RNF13: variants seen among roughly 807,000 people sequenced by gnomAD.
The protein encoded by RNF13 is E3 ubiquitin-protein ligase RNF13.
Under a neutral mutation model 37.7 loss-of-function variants are expected in RNF13, and 19 were observed. That is an observed-to-expected ratio of 0.50 (90% CI 0.35 to 0.74). RNF13 has a LOEUF of 0.74. Among genes scored for constraint, RNF13 ranks in the 30% least tolerant of loss-of-function variants. The pLI is 0.01. For synonymous variants in RNF13, 144 were observed against 157.8 expected (o/e 0.91, Z 0.65); for missense variants, 375 against 453.0 (o/e 0.83, Z 1.56).
chr3:149,951,794 T>G (rs1576594931), intron 8 of RNF13, among the ~76,000 whole-genome samples: 1 of 152,286 alleles, frequency 6.6e-6, no homozygotes, highest in Non-Finnish European at 1.5e-5. Context: ...GCAGCCTAAT[T>G]AGGAAAAACT....
chr3:149,946,049 G>A (rs371653220), intron 8 of RNF13, among the ~76,000 whole-genome samples: 2 of 152,296 alleles, frequency 1.3e-5, no homozygotes, highest in East Asian at 1.9e-4. Context: ...CACCAGCAAC[G>A]GAACAAAGCT....
At chr3:149,929,406 G>A (rs967776617) in intron 8 of RNF13, among the ~76,000 whole-genome samples, 4 of 152,150 alleles carry the variant, frequency 2.6e-5, no homozygotes, top group South Asian at 2.1e-4. Context: ...CCCCTGACAC[G>A]TGGGGATTAT....
At chr3:149,957,655 T>C (rs1254229673) in intron 8 of RNF13, among the ~76,000 whole-genome samples, 2 of 152,218 alleles carry the variant, frequency 1.3e-5, no homozygotes, top group Non-Finnish European at 2.9e-5. Context: ...TAAGTATGCC[T>C]ATCGGCTAGT....
rs1718802161 is a variant in RNF13 at position 149,927,953 on chromosome 3, C to T, written c.700+6726C>T. Among the ~76,000 whole-genome samples the T allele has an allele frequency of 2.0e-5, 3 of 148,632 alleles. No individual in the cohort carries two copies. In the South Asian group the frequency reaches 6.4e-4, roughly 32 times the overall value. ...AGAAGTTTCAAATTTTGATGTAGTC[C>T]AATTTACCTTTTTTCTTTTTTTGCT... On this transcript the variant is annotated intron_variant, in intron 8 of 9. Transcript: ENST00000392894.
chr3:149,815,975 C>T lies in RNF13; in HGVS notation c.-17+2622C>T, dbSNP rs1719406364. Among the ~76,000 whole-genome samples the T allele has an allele frequency of 3.9e-5, 6 of 152,124 alleles. No individual in the cohort carries two copies. In the South Asian group the frequency reaches 8.3e-4, roughly 21 times the overall value. On this transcript the variant is annotated intron_variant, in intron 1 of 9. Coordinates refer to ENST00000392894, the MANE Select transcript of RNF13 (RefSeq NM_183381.3). ...TGGAGCAATTATGGCTCACTGCACC[C>T]TCGACCTCCCGTGCTCAAGGGATCC...
chr3:149,939,945 CTTATT>C, intron 8 of RNF13: 1 of 273,732 alleles, frequency 3.7e-6, no homozygotes, highest in East Asian at 9.7e-5. Context: ...TATAGCTGGT[CTTATT>C]TTTTTTATCT....
In RNF13 at chr3:149,868,304, C is replaced by A. The variant is rs537349560; in HGVS notation, c.196-3725C>A. Among the ~76,000 whole-genome samples, 19 of 151,562 alleles carry A rather than the reference C, an allele frequency of 1.3e-4. 1 individual carries two copies. Among genetic ancestry groups the A allele is most frequent in the Non-Finnish European group, 2.5e-4 (17 of 67,800 alleles). On this transcript the variant is annotated intron_variant, in intron 3 of 9. Coordinates refer to ENST00000392894, the MANE Select transcript of RNF13 (RefSeq NM_183381.3). ...CTTAATTGTACCAGTGCGTTTTAGA[C>A]CTTCAACTATTTTTTTTTAATTTTA...
upstream of RNF13, chr3:149,812,754 C>T (rs1438979523): frequency 6.6e-6 from 1 of 152,668 alleles, no homozygotes; most frequent in Non-Finnish European, 1.5e-5. Context: ...AGAGACGCGT[C>T]AGCGCCAGGG....
chr3:149,893,739 T>G (rs1490895809), intron 4 of RNF13: 1 of 152,180 alleles, frequency 6.6e-6, no homozygotes, highest in Non-Finnish European at 1.5e-5. Context: ...TTCTCAACAT[T>G]CATAGTTGGA....
At chr3:149,838,331 A>G (rs780028362) in intron 1 of RNF13, among the ~76,000 whole-genome samples, 2 of 152,206 alleles carry the variant, frequency 1.3e-5, no homozygotes, top group African/African-American at 2.4e-5. Context: ...GTGGTGCCTC[A>G]GTAGGGACTC....
chr3:149,861,430 A>T (rs1213380714), intron 3 of RNF13, among the ~76,000 whole-genome samples: 1 of 152,212 alleles, frequency 6.6e-6, no homozygotes, highest in Non-Finnish European at 1.5e-5. Flanking sequence ...TATGGAATGT[A>T]ATACTATTTG....
intron 1 of RNF13, among the ~76,000 whole-genome samples, chr3:149,827,118 C>A (rs768595864): frequency 6.6e-6 from 1 of 152,048 alleles, no homozygotes; most frequent in Admixed American, 6.5e-5. Context: ...GGCTCTGTAT[C>A]TGTGGATTCA....
chr3:149,919,677 G>C (rs559028424), intron 7 of RNF13, among the ~76,000 whole-genome samples: 1 of 152,130 alleles, frequency 6.6e-6, no homozygotes, highest in Non-Finnish European at 1.5e-5. Context: ...GTTGTTTCTA[G>C]TTTTTGGCTA....
chr3:149,840,601 C>T (rs7651534), intron 1 of RNF13, among the ~76,000 whole-genome samples: 137,080 of 152,162 alleles, frequency 0.9, 61,852 homozygotes, highest in African/African-American at 0.94. Flanking sequence ...CAGTACTTTA[C>T]TGTGGTCCAT....
At chr3:149,864,142 A>G (rs1724559764) in intron 3 of RNF13, among the ~76,000 whole-genome samples, 1 of 151,250 alleles carries the variant, frequency 6.6e-6, no homozygotes, top group Non-Finnish European at 1.5e-5. Context: ...GAGGTAAGGC[A>G]CAATGGGAGG....
At chr3:149,888,151 A>G (rs1039784581) in intron 4 of RNF13, among the ~76,000 whole-genome samples, 5 of 152,068 alleles carry the variant, frequency 3.3e-5, no homozygotes, top group Admixed American at 2.0e-4. Flanking sequence ...TTCTACTTCT[A>G]TTCTTATTAG....
chr3:149,866,578 C>G (rs1711497088), intron 3 of RNF13, among the ~76,000 whole-genome samples: 1 of 152,138 alleles, frequency 6.6e-6, no homozygotes, highest in Non-Finnish European at 1.5e-5. Flanking sequence ...ATGCTTTAAC[C>G]ATCTGGGAGT....
At chr3:149,922,215 A>G (rs1718204797) in intron 8 of RNF13, among the ~76,000 whole-genome samples, 1 of 152,096 alleles carries the variant, frequency 6.6e-6, no homozygotes, top group Non-Finnish European at 1.5e-5. Flanking sequence ...CTTGTGATCC[A>G]TCCACCTCGG....
intron 8 of RNF13, among the ~76,000 whole-genome samples, chr3:149,945,358 G>C (rs1286832679): frequency 1.3e-5 from 2 of 152,192 alleles, no homozygotes; most frequent in Non-Finnish European, 2.9e-5. Context: ...GCGGCAGCAA[G>C]GCTGGGGGGT....
Sources: gnomAD v4.1 joint callset for allele counts (sites outside exome capture counted in the v4.1 genomes callset) on GRCh38, gnomAD v4.1.1 for gene constraint, MANE v1.5 for transcripts, NCBI Gene and HGNC (gene_info 2026-07-23, HGNC 2026-07-21) for gene names.